GSN: variants seen among roughly 807,000 people sequenced by gnomAD.
GSN encodes the protein actin-depolymerizing factor.
Under a neutral mutation model 85.7 loss-of-function variants are expected in GSN, and 56 were observed. The ratio of observed to expected loss-of-function variants is 0.65; its 90% CI spans 0.53 to 0.82. GSN has a LOEUF of 0.82. Ranked by LOEUF, GSN falls within the 40% of genes least tolerant of loss-of-function variation. GSN has a pLI of 0.00. For synonymous variants in GSN, 373 were observed against 399.1 expected, an observed-to-expected ratio of 0.93 and a Z score of 0.78; for missense variants, 857 against 979.8, an observed-to-expected ratio of 0.87 and a Z score of 1.67.
chr9:121,255,530 C>G (rs1276664424), intron 6 of GSN, among the ~76,000 whole-genome samples: 1 of 152,206 alleles, frequency 6.6e-6, no homozygotes, highest in Non-Finnish European at 1.5e-5. Context: ...GCCACCATGC[C>G]TAGCTCATGT....
At chr9:121,241,551 A>G (rs1009268565) in intron 5 of GSN, among the ~76,000 whole-genome samples, 1 of 152,192 alleles carries the variant, frequency 6.6e-6, no homozygotes, top group African/African-American at 2.4e-5. Flanking sequence ...AAGAGGGATA[A>G]TCCTATCTTT....
chr9:121,237,444 A>G (rs556407616), intron 5 of GSN, among the ~76,000 whole-genome samples: 34 of 152,346 alleles, frequency 2.2e-4, no homozygotes, highest in Admixed American at 1.5e-3. Flanking sequence ...ACATGCCTGT[A>G]GTCCCAGCTA....
chr9:121,213,391 C>G (rs1180931497), intron 4 of GSN, among the ~76,000 whole-genome samples: 1 of 152,214 alleles, frequency 6.6e-6, no homozygotes, highest in Non-Finnish European at 1.5e-5. Flanking sequence ...GCGTGCTCCA[C>G]CAGAGGGCGC....
At chr9:121,246,316 C>T (rs142682307) in intron 5 of GSN, among the ~76,000 whole-genome samples, 1 of 152,010 alleles carries the variant, frequency 6.6e-6, no homozygotes, top group Non-Finnish European at 1.5e-5. Context: ...ATGCTATGCT[C>T]AGAGCTGCTG....
At chr9:121,265,296 CTG>C (rs1210907823), upstream of GSN, 1 of 152,216 alleles carries the variant, frequency 6.6e-6, no homozygotes, top group Admixed American at 6.5e-5. Flanking sequence ...GGCATCTCCT[CTG>C]TGAGTTTTGC....
intron 1 of GSN, among the ~76,000 whole-genome samples, chr9:121,269,600 G>T (rs1005719929): frequency 6.6e-6 from 1 of 152,150 alleles, no homozygotes; most frequent in African/African-American, 2.4e-5. Context: ...GGGTGGGAAC[G>T]GTCGGCTTTC....
chr9:121,280,497 G>C (rs1024573128), intron 1 of GSN: 1 of 152,234 alleles, frequency 6.6e-6, no homozygotes, highest in African/African-American at 2.4e-5. Context: ...CTCAGCAGTA[G>C]TGCATTAGAA....
chr9:121,328,641 G>A (rs1226990095), intron 14 of GSN, among the ~76,000 whole-genome samples: 1 of 152,168 alleles, frequency 6.6e-6, no homozygotes, highest in African/African-American at 2.4e-5. Context: ...CCGCAATGCT[G>A]TCGTCAGCCT....
rs774408394 is a variant in GSN at position 121,329,054 on chromosome 9, G to C, written c.1887+39G>C. On this transcript the variant is annotated intron_variant, in intron 15 of 17. Coordinates refer to ENST00000432226, the MANE Select transcript of GSN (RefSeq NM_198252.3). The surrounding 1 kb of genome is among the most constrained non-coding windows in gnomAD (Gnocchi z 4.6). ...GAGGTCACACCTCTGCTTTCCCCTC[G>C]GGAGGCGAGTTCCACAGGACTGGCC... The C allele has an allele frequency of 1.2e-6, 2 of 1,610,248 alleles. No individual in the cohort carries two copies. Among genetic ancestry groups the C allele is most frequent in the Non-Finnish European group, 1.7e-6 (2 of 1,178,944 alleles).
chr9:121,225,772 G>A (rs191502742), intron 4 of GSN, among the ~76,000 whole-genome samples: 1 of 152,238 alleles, frequency 6.6e-6, no homozygotes, highest in Admixed American at 6.5e-5. Flanking sequence ...AAGATGATTA[G>A]CGTAGACTGC....
chr9:121,330,797 A>T (rs1157862697), intron 16 of GSN, among the ~76,000 whole-genome samples: 1 of 152,134 alleles, frequency 6.6e-6, no homozygotes, highest in African/African-American at 2.4e-5. Context: ...ACAAAGATGC[A>T]CACAGACCGG....
chr9:121,268,281 T>C (rs2132311280), intron 1 of GSN, 62 bp downstream of exon 1: 1 of 151,632 alleles, frequency 6.6e-6, no homozygotes, highest in East Asian at 2.0e-4. Context: ...TTTGAGTCCT[T>C]CCTCTCCCTT....
At position 121,329,059 on chromosome 9, in the gene GSN, G is replaced by A; in HGVS notation, c.1887+44G>A. ...CACACCTCTGCTTTCCCCTCGGGAG[G>A]CGAGTTCCACAGGACTGGCCGGCAG... On this transcript the variant is annotated intron_variant, in intron 15 of 17. Coordinates refer to ENST00000432226, the MANE Select transcript of GSN (RefSeq NM_198252.3). This position sits in a 1 kb window ranked among gnomAD's most constrained non-coding sequence, Gnocchi z 4.6. 1 of 1,609,458 alleles carries A rather than the reference G, an allele frequency of 6.2e-7. No individual in the cohort carries two copies. The highest frequency in any genetic ancestry group is 8.5e-7 in the Non-Finnish European group (1 of 1,178,516).
intron 5 of GSN, among the ~76,000 whole-genome samples, chr9:121,237,757 TACTCTTG>T: frequency 6.6e-6 from 1 of 152,214 alleles, no homozygotes; most frequent in Non-Finnish European, 1.5e-5. Context: ...CAGAGGCTGA[TACTCTTG>T]AGGAGGTTGA....
At chr9:121,310,659 T>C (rs2061004717) in intron 4 of GSN, 25 bp from the exon 5 acceptor site, 1 of 1,612,802 alleles carries the variant, frequency 6.2e-7, no homozygotes, top group Admixed American at 1.7e-5. Flanking sequence ...TCCCCTGGGC[T>C]AATGCTGTCT....
At chr9:121,226,344 A>G (rs937332536) in intron 4 of GSN, among the ~76,000 whole-genome samples, 6 of 152,216 alleles carry the variant, frequency 3.9e-5, no homozygotes, top group African/African-American at 1.4e-4. Flanking sequence ...TACAAAAACA[A>G]ATTATTTAGA....
At chr9:121,233,043 G>A (rs2054424271) in intron 5 of GSN, among the ~76,000 whole-genome samples, 1 of 152,110 alleles carries the variant, frequency 6.6e-6, no homozygotes, top group East Asian at 1.9e-4. Flanking sequence ...TTGAATACTG[G>A]GTTGGCCTGA....
chr9:121,203,869 AAT>A (rs2053842694), upstream of GSN, among the ~76,000 whole-genome samples: 3 of 152,254 alleles, frequency 2.0e-5, no homozygotes, highest in South Asian at 6.2e-4. Flanking sequence ...ATGATAATCT[AAT>A]CTAAGGTGAT....
intron 5 of GSN, among the ~76,000 whole-genome samples, chr9:121,244,511 C>T (rs1272585334): frequency 6.6e-6 from 1 of 152,170 alleles, no homozygotes; most frequent in Non-Finnish European, 1.5e-5. Flanking sequence ...TTAGCATTGT[C>T]AGTTTTCTTT....
Sources: allele counts gnomAD v4.1 joint callset (sites outside exome capture counted in the v4.1 genomes callset), GRCh38; gene constraint gnomAD v4.1.1; non-coding constraint Gnocchi (gnomAD v3.1); transcripts MANE v1.5; gene names NCBI Gene and HGNC (gene_info 2026-07-23, HGNC 2026-07-21).